TMEM232: variants seen among roughly 807,000 people sequenced by gnomAD.
The protein encoded by TMEM232 is transmembrane protein 232.
Under a neutral mutation model 78.8 loss-of-function variants are expected in TMEM232, and 80 were observed. The ratio of observed to expected loss-of-function variants is 1.01; its 90% CI spans 0.85 to 1.22. The LOEUF (loss-of-function observed/expected upper bound fraction) is 1.22, where lower values mean the gene tolerates loss of function less well. Ranked by LOEUF, TMEM232 falls within the 50% of genes most tolerant of loss-of-function variation. The probability of loss-of-function intolerance (pLI) is 0.00; values close to 1 mark genes in which losing one functional copy is unlikely to be tolerated. For missense variants in TMEM232, 881 were observed against 742.2 expected (o/e 1.19, Z -2.17); for synonymous variants, 297 against 254.3 (o/e 1.17, Z -1.60).
intron 10 of TMEM232, among the ~76,000 whole-genome samples, chr5:110,584,498 A>C (rs946132160): frequency 3.3e-5 from 5 of 152,088 alleles, no homozygotes; most frequent in African/African-American, 1.2e-4. Context: ...AGGTTGGTGG[A>C]GGCAATAAGA....
At chr5:110,560,906 A>G (rs1178643986) in intron 11 of TMEM232, among the ~76,000 whole-genome samples, 1 of 152,144 alleles carries the variant, frequency 6.6e-6, no homozygotes, top group Non-Finnish European at 1.5e-5. Context: ...TCCCAACTTT[A>G]ATCATCCATT....
At chr5:110,466,309 C>G (rs1471178087) in intron 12 of TMEM232, among the ~76,000 whole-genome samples, 2 of 152,078 alleles carry the variant, frequency 1.3e-5, no homozygotes, top group Non-Finnish European at 2.9e-5. Flanking sequence ...ACAAAGAGAA[C>G]TAATTTAAAA....
intron 1 of TMEM232, among the ~76,000 whole-genome samples, chr5:110,712,578 C>A (rs1796602533): frequency 1.3e-5 from 2 of 152,092 alleles, no homozygotes; most frequent in Admixed American, 1.3e-4. Context: ...TTTGCTTTAC[C>A]TTGTGTAAAA....
At chr5:110,483,128 T>C (rs1439353033) in intron 12 of TMEM232, among the ~76,000 whole-genome samples, 3 of 152,108 alleles carry the variant, frequency 2.0e-5, no homozygotes, top group Non-Finnish European at 2.9e-5. Context: ...GGGCATACAA[T>C]GTATAAAGAT....
At chr5:110,621,117 C>T (rs1029226205) in intron 7 of TMEM232, among the ~76,000 whole-genome samples, 6 of 152,062 alleles carry the variant, frequency 3.9e-5, no homozygotes, top group Non-Finnish European at 8.8e-5. Context: ...CCCGCCTCTG[C>T]CTCCCAAAGT....
At chr5:110,458,888 T>C (rs1040892649) in intron 12 of TMEM232, among the ~76,000 whole-genome samples, 1 of 152,216 alleles carries the variant, frequency 6.6e-6, no homozygotes, top group African/African-American at 2.4e-5. Flanking sequence ...CTAAACTAAT[T>C]GGTGCTAAGT....
At chr5:110,730,471 G>C (rs1274332361), upstream of TMEM232, among the ~76,000 whole-genome samples, 1 of 152,014 alleles carries the variant, frequency 6.6e-6, no homozygotes, top group Non-Finnish European at 1.5e-5. Context: ...ATTTCTATTT[G>C]ATACTGTATT....
chr5:110,481,578 A>G (rs1324682676), intron 12 of TMEM232, among the ~76,000 whole-genome samples: 1 of 152,200 alleles, frequency 6.6e-6, no homozygotes, highest in African/African-American at 2.4e-5. Flanking sequence ...AAAAAGAGGT[A>G]GTGCCATTAA....
At chr5:110,724,152 G>T (rs746200917) in intron 1 of TMEM232, among the ~76,000 whole-genome samples, 6 of 152,118 alleles carry the variant, frequency 3.9e-5, no homozygotes, top group Non-Finnish European at 7.4e-5. Context: ...AATAACTCTT[G>T]CATGGGACTT....
In TMEM232 at chr5:110,651,013, T is replaced by TA. The variant is rs574975138; in HGVS notation, c.126-8643dup. 1.1e-4 allele frequency among the ~76,000 whole-genome samples: 16 copies of TA among 152,214 alleles called. 2 individuals carry two copies. The highest frequency in any genetic ancestry group is 9.7e-4 in the East Asian group (5 of 5,176). Reference sequence around the variant, plus strand: ...TTGACAAATAAAAAATGGGAGGTGATAAAAAATCACTTCAAGATACAGCTT... The same window carrying TA: ...TTGACAAATAAAAAATGGGAGGTGATAAAAAAATCACTTCAAGATACAGCTT... On this transcript the variant is annotated intron_variant, in intron 2 of 13. Transcript: ENST00000455884.
chr5:110,615,548 A>G (rs1782817768), intron 8 of TMEM232, among the ~76,000 whole-genome samples: 1 of 151,990 alleles, frequency 6.6e-6, no homozygotes, highest in Non-Finnish European at 1.5e-5. Flanking sequence ...TGAAAAGTTG[A>G]AAGCATCTCT....
chr5:110,587,785 G>A (rs1414212975), intron 10 of TMEM232, among the ~76,000 whole-genome samples: 1 of 141,484 alleles, frequency 7.1e-6, no homozygotes, highest in Admixed American at 7.5e-5. Context: ...TGTATTATCT[G>A]TCAATTATAC....
intron 1 of TMEM232, among the ~76,000 whole-genome samples, chr5:110,737,538 A>G (rs1799314027): frequency 1.3e-5 from 2 of 152,224 alleles, no homozygotes; most frequent in Admixed American, 6.5e-5. Flanking sequence ...ACCTGGAAAG[A>G]CAATGTGCAT....
rs1230601912 is a variant in TMEM232, at chr5:110,399,796, TGGTTGCCCTTCC to T, written n.309-1954_309-1943del. Among the ~76,000 whole-genome samples the T allele has an allele frequency of 3.3e-5, 5 of 152,284 alleles. No individual in the cohort carries two copies. The East Asian group carries it at 9.7e-4, about 29-fold the overall frequency. On this transcript the variant is annotated intron_variant and non_coding_transcript_variant, in intron 2 of 8. Transcript: ENST00000507188. ...AAGTTTAGATCCAAGACAAATTCCC[TGGTTGCCCTTCC>T]TTACCAGATTGCCACCTCAGGATCT...
At chr5:110,683,449 C>T (rs1165759830) in intron 1 of TMEM232, among the ~76,000 whole-genome samples, 1 of 151,692 alleles carries the variant, frequency 6.6e-6, no homozygotes. Flanking sequence ...ATGTGATTCT[C>T]TTAGATGTTT....
intron 10 of TMEM232, 50 bp downstream of exon 10, chr5:110,605,059 C>T: frequency 6.9e-7 from 1 of 1,456,274 alleles, no homozygotes; most frequent in Non-Finnish European, 9.2e-7. Context: ...TATATGTAGA[C>T]AGTGACACTT....
intron 10 of TMEM232, among the ~76,000 whole-genome samples, chr5:110,588,913 T>A (rs1326569626): frequency 3.3e-5 from 5 of 152,154 alleles, no homozygotes; most frequent in Non-Finnish European, 7.4e-5. Flanking sequence ...CACCCTCTTA[T>A]ACAAGACACA....
At chr5:110,677,712 C>A (rs549441643) in intron 1 of TMEM232, among the ~76,000 whole-genome samples, 1 of 152,128 alleles carries the variant, frequency 6.6e-6, no homozygotes, top group East Asian at 1.9e-4. Context: ...TAGGAACTGG[C>A]TGCTGGTAAA....
chr5:110,662,945 G>A (rs1034690605), intron 2 of TMEM232, among the ~76,000 whole-genome samples: 1 of 151,884 alleles, frequency 6.6e-6, no homozygotes, highest in Non-Finnish European at 1.5e-5. Context: ...ACAAAAAAAA[G>A]GCTAATCATA....
Sources: allele counts gnomAD v4.1 joint callset (sites outside exome capture counted in the v4.1 genomes callset), GRCh38; gene constraint gnomAD v4.1.1; transcripts MANE v1.5; gene names NCBI Gene and HGNC (gene_info 2026-07-23, HGNC 2026-07-21).